NFIB: variants seen among roughly 807,000 people sequenced by gnomAD.
NFIB encodes nuclear factor I B.
A neutral mutation model predicts 61.5 loss-of-function variants in NFIB; 11 were observed. The observed-to-expected ratio is 0.18, with a 90% CI of 0.11 to 0.30. NFIB has a LOEUF of 0.30. NFIB is among the 10% of genes least tolerant of loss of function. NFIB has a pLI of 1.00. For synonymous variants in NFIB, 260 were observed against 216.5 expected (o/e 1.20, Z -1.76); for missense variants, 471 against 608.9 (o/e 0.77, Z 2.38).
intron 1 of NFIB, among the ~76,000 whole-genome samples, chr9:14,323,254 A>AGTTGG (rs1180792963): frequency 7.9e-5 from 12 of 152,228 alleles, no homozygotes; most frequent in Non-Finnish European, 1.6e-4. Flanking sequence ...CACCAAAGAG[A>AGTTGG]TAATACAACC....
chr9:14,267,516 T>C (rs947387845), intron 2 of NFIB, among the ~76,000 whole-genome samples: 19 of 152,220 alleles, frequency 1.2e-4, no homozygotes, highest in African/African-American at 4.1e-4. Flanking sequence ...TCTTTTCCTA[T>C]TTCATTTCCT....
At chr9:14,195,338 G>A (rs2048360971) in intron 2 of NFIB, among the ~76,000 whole-genome samples, 1 of 152,042 alleles carries the variant, frequency 6.6e-6, no homozygotes, top group African/African-American at 2.4e-5. Context: ...AGGAAATAAT[G>A]CTTGTCATTT....
rs185880427 is a variant in NFIB, at chr9:14,342,405, G to C, written c.109-34885C>G. 2.0e-5 allele frequency among the ~76,000 whole-genome samples: 3 copies of C among 151,910 alleles called. No individual in the cohort carries two copies. In the South Asian group the frequency reaches 6.3e-4, roughly 32 times the overall value. On this transcript the variant is annotated intron_variant, in intron 1 of 8. Coordinates refer to the NFIB transcript ENST00000380934. Reference sequence around the variant, plus strand: ...TGCTTACACCTTTGGAAAGATCAGGGGAAAAGCCAGTGAAATGAGAAGGAA... The same window carrying C: ...TGCTTACACCTTTGGAAAGATCAGGCGAAAAGCCAGTGAAATGAGAAGGAA...
the NFIB span, among the ~76,000 whole-genome samples, chr9:14,438,784 T>C: frequency 6.6e-6 from 1 of 152,006 alleles, no homozygotes; most frequent in Admixed American, 6.5e-5. Flanking sequence ...TAATGTGTAA[T>C]AACAAAGAGC....
chr9:14,229,945 C>T (rs1437829945), intron 2 of NFIB, among the ~76,000 whole-genome samples: 1 of 152,150 alleles, frequency 6.6e-6, no homozygotes, highest in African/African-American at 2.4e-5. Flanking sequence ...GAATTACAGG[C>T]ATATGCCACC....
At chr9:14,279,451 T>A (rs2132415944) in intron 2 of NFIB, among the ~76,000 whole-genome samples, 1 of 152,082 alleles carries the variant, frequency 6.6e-6, no homozygotes, top group East Asian at 1.9e-4. Context: ...TAAATCCTCA[T>A]CAAAAAGGGA....
chr9:14,176,630 C>T (rs1341407769), intron 3 of NFIB, among the ~76,000 whole-genome samples: 3 of 151,956 alleles, frequency 2.0e-5, no homozygotes. Flanking sequence ...GCTGCTTGTG[C>T]TTAAATACTA....
the NFIB span, among the ~76,000 whole-genome samples, chr9:14,516,597 C>G: frequency 1.3e-5 from 2 of 152,176 alleles, no homozygotes; most frequent in Non-Finnish European, 2.9e-5. Context: ...TCCATATGCC[C>G]GGTCCTTAAT....
At chr9:14,275,583 C>A (rs1423844270) in intron 2 of NFIB, among the ~76,000 whole-genome samples, 1 of 152,048 alleles carries the variant, frequency 6.6e-6, no homozygotes, top group Non-Finnish European at 1.5e-5. Flanking sequence ...TAAGTGAAAA[C>A]CCTATCACAC....
At chr9:14,311,140 A>T (rs949572202) in intron 1 of NFIB, among the ~76,000 whole-genome samples, 8 of 152,136 alleles carry the variant, frequency 5.3e-5, no homozygotes, top group Admixed American at 4.6e-4. Flanking sequence ...GGTTATTGAT[A>T]TGCTGATTTT....
intron 2 of NFIB, chr9:14,204,964 T>C (rs1038350908): frequency 3.1e-6 from 1 of 327,484 alleles, no homozygotes; most frequent in Non-Finnish European, 5.9e-6. Flanking sequence ...GGGGAGGCAA[T>C]GTCCTGGGTC....
rs1587293407 is a variant in NFIB, at chr9:14,113,125, T to C, written c.1385-44A>G. The C allele has an allele frequency of 7.9e-6, 12 of 1,527,172 alleles. No homozygotes were observed. In the East Asian group the frequency reaches 3.0e-4, roughly 38 times the overall value. The allele number at this position is 1,527,172 out of a possible 1,614,324, so 94.6% of individuals were successfully genotyped here. ...AAACAAAGATAAAAATTGTGAACTA[T>C]CAGAACGAACACCCTGTCCATGTAT... is the stretch of plus-strand genomic sequence containing the variant. On this transcript the variant is annotated intron_variant, in intron 9 of 10. Transcript: ENST00000380953.
intron 1 of NFIB, among the ~76,000 whole-genome samples, chr9:14,380,495 C>T (rs753585159): frequency 2.0e-5 from 3 of 152,136 alleles, no homozygotes; most frequent in African/African-American, 4.8e-5. Flanking sequence ...CCGAATTTAT[C>T]CATATAGAAA....
intron 6 of NFIB, among the ~76,000 whole-genome samples, chr9:14,142,288 G>C (rs2041818878): frequency 6.6e-6 from 1 of 152,128 alleles, no homozygotes; most frequent in Non-Finnish European, 1.5e-5. Context: ...CACAAGATCT[G>C]AGGGTTTTAA....
chr9:14,479,013 G>C, the NFIB span, among the ~76,000 whole-genome samples: 1 of 152,190 alleles, frequency 6.6e-6, no homozygotes, highest in South Asian at 2.1e-4. Flanking sequence ...CATCCTTGCA[G>C]ATGTTAAATA....
chr9:14,381,040 C>T (rs1440221758), intron 1 of NFIB, among the ~76,000 whole-genome samples: 1 of 133,672 alleles, frequency 7.5e-6, no homozygotes, highest in Non-Finnish European at 1.5e-5. Context: ...CGCCACTGCA[C>T]TCCAGCCTGG....
At chr9:14,422,271 T>C in the NFIB span, among the ~76,000 whole-genome samples, 1 of 152,158 alleles carries the variant, frequency 6.6e-6, no homozygotes, top group East Asian at 1.9e-4. Context: ...AGGCCTCTGG[T>C]TATTGGCCAC....
the NFIB span, among the ~76,000 whole-genome samples, chr9:14,421,068 A>T: frequency 5.7e-5 from 8 of 139,974 alleles, no homozygotes; most frequent in African/African-American, 1.8e-4. Flanking sequence ...ATAATTTAAG[A>T]GCTCTGGATC....
intron 2 of NFIB, among the ~76,000 whole-genome samples, chr9:14,181,953 T>C (rs1265146489): frequency 6.6e-6 from 1 of 152,200 alleles, no homozygotes; most frequent in Non-Finnish European, 1.5e-5. Flanking sequence ...AACTTCAAAA[T>C]GGTGCCGCAA....
Sources: gnomAD v4.1 joint callset for allele counts (sites outside exome capture counted in the v4.1 genomes callset) on GRCh38, gnomAD v4.1.1 for gene constraint, MANE v1.5 for transcripts, NCBI Gene and HGNC (gene_info 2026-07-23, HGNC 2026-07-21) for gene names.